The following PRMT3 variants were observed in gnomAD, a reference collection of about 807,000 sequenced individuals.
The protein encoded by PRMT3 is protein arginine N-methyltransferase 3.
In PRMT3, 62 loss-of-function variants were observed where a neutral mutation model predicts 71.9. The observed-to-expected ratio is 0.86, with a 90% CI of 0.70 to 1.07. The LOEUF is 1.07. Ranked by LOEUF, PRMT3 falls within the 50% of genes least tolerant of loss-of-function variation. The pLI, the probability that PRMT3 is intolerant of heterozygous loss-of-function variation, is 0.00. For missense variants in PRMT3, 663 were observed against 643.0 expected (o/e 1.03, Z -0.34); for synonymous variants, 213 against 220.4 (o/e 0.97, Z 0.30).
intron 13 of PRMT3, among the ~76,000 whole-genome samples, chr11:20,475,590 C>T (rs1324371870): frequency 6.6e-6 from 1 of 150,842 alleles, no homozygotes; most frequent in African/African-American, 2.4e-5. Flanking sequence ...TCTTAAAGTC[C>T]TTTATTTTGG....
At chr11:20,482,494 A>G (rs1211685364) in intron 13 of PRMT3, among the ~76,000 whole-genome samples, 1 of 152,086 alleles carries the variant, frequency 6.6e-6, no homozygotes, top group African/African-American at 2.4e-5. Flanking sequence ...TTTATCAAAT[A>G]ATCAATAAGA....
chr11:20,478,783 T>C (rs1438906584), intron 13 of PRMT3, among the ~76,000 whole-genome samples: 3 of 152,208 alleles, frequency 2.0e-5, no homozygotes, highest in Non-Finnish European at 4.4e-5. Flanking sequence ...ACTTCAAGAT[T>C]AGCCCATTTA....
intron 3 of PRMT3, 26 bp from the exon 4 acceptor site, chr11:20,392,185 G>C (rs1848729410): frequency 6.4e-7 from 1 of 1,565,610 alleles, no homozygotes; most frequent in Middle Eastern, 1.7e-4. Flanking sequence ...TGTTAACATA[G>C]GTGAATTATC....
chr11:20,498,298 C>G (rs1851378635), intron 15 of PRMT3, among the ~76,000 whole-genome samples: 1 of 152,110 alleles, frequency 6.6e-6, no homozygotes, highest in African/African-American at 2.4e-5. Context: ...CGAAGAAACT[C>G]AATTAACCCG....
intron 11 of PRMT3, among the ~76,000 whole-genome samples, chr11:20,459,005 T>C (rs951320765): frequency 7.8e-4 from 16 of 20,540 alleles, no homozygotes; most frequent in Non-Finnish European, 1.7e-3. Context: ...TAAAAGGCCA[T>C]ATAGTAAATT....
At chr11:20,438,992 G>A (rs1184484788) in intron 10 of PRMT3, among the ~76,000 whole-genome samples, 3 of 152,150 alleles carry the variant, frequency 2.0e-5, no homozygotes, top group African/African-American at 7.2e-5. Context: ...AACTCTGCCT[G>A]GGGAAGTTGG....
intron 11 of PRMT3, 71 bp downstream of exon 11, chr11:20,452,279 A>G: frequency 8.1e-7 from 1 of 1,233,772 alleles, no homozygotes; most frequent in Non-Finnish European, 1.2e-6. Flanking sequence ...TTGGATTTCA[A>G]ATAAACTATG....
chr11:20,392,395 G>A, intron 4 of PRMT3, 135 bp downstream of exon 4: 1 of 891,264 alleles, frequency 1.1e-6, no homozygotes, highest in Non-Finnish European at 1.6e-6. Context: ...GGGAATCACG[G>A]ACATTAGGAG....
intron 11 of PRMT3, among the ~76,000 whole-genome samples, chr11:20,461,038 A>T (rs1850371518): frequency 6.6e-6 from 1 of 152,062 alleles, no homozygotes. Flanking sequence ...CCTATGTAAA[A>T]TTTTTTACTG....
At position 20,471,045 on chromosome 11, in the gene PRMT3, CTGT is replaced by C. The variant is rs1850632585; in HGVS notation, c.1347+6504_1347+6506del. ...GCCACATGTAAAGAAGTGTTTGTTC[CTGT>C]TGTTTGCCCACTTTTTAATGGTTTT... is the stretch of plus-strand genomic sequence containing the variant. On this transcript the variant is annotated intron_variant, in intron 13 of 15. Transcript: ENST00000331079. Among the ~76,000 whole-genome samples the C allele has an allele frequency of 7.3e-5, 11 of 151,108 alleles. 1 individual carries two copies. In the Middle Eastern group the frequency reaches 0.027, roughly 374 times the overall value.
chr11:20,403,578 G>A (rs550202030), intron 8 of PRMT3, among the ~76,000 whole-genome samples: 1 of 151,662 alleles, frequency 6.6e-6, no homozygotes, highest in Non-Finnish European at 1.5e-5. Flanking sequence ...TGTGTTTTTT[G>A]GCTTTTCTTC....
intron 3 of PRMT3, 124 bp downstream of exon 3, chr11:20,389,950 A>C: frequency 1.5e-6 from 1 of 657,226 alleles, no homozygotes; most frequent in Non-Finnish European, 2.6e-6. Flanking sequence ...TCGGGAGTTC[A>C]AGACCAGCCT....
chr11:20,454,814 T>C (rs1850232315), intron 11 of PRMT3, among the ~76,000 whole-genome samples: 1 of 152,080 alleles, frequency 6.6e-6, no homozygotes, highest in Non-Finnish European at 1.5e-5. Context: ...GGACCACAAT[T>C]TATTTTTACA....
intron 15 of PRMT3, among the ~76,000 whole-genome samples, chr11:20,496,662 G>A (rs7935658): frequency 0.97 from 147,673 of 151,684 alleles, 72,188 homozygotes; most frequent in Middle Eastern, 1. Flanking sequence ...GACATATAAA[G>A]GAAAACTTTG....
At chr11:20,464,149 G>A (rs906600959) in intron 12 of PRMT3, among the ~76,000 whole-genome samples, 1 of 152,108 alleles carries the variant, frequency 6.6e-6, no homozygotes, top group South Asian at 2.1e-4. Flanking sequence ...TTATTTGAAA[G>A]TATTTATTTT....
chr11:20,479,200 T>C (rs1850869043), intron 13 of PRMT3, among the ~76,000 whole-genome samples: 1 of 152,204 alleles, frequency 6.6e-6, no homozygotes, highest in South Asian at 2.1e-4. Flanking sequence ...TCTACTCTGC[T>C]CTGAAACCTG....
chr11:20,442,351 T>A (rs891510807), intron 10 of PRMT3, among the ~76,000 whole-genome samples: 3 of 152,032 alleles, frequency 2.0e-5, no homozygotes, highest in African/African-American at 7.2e-5. Flanking sequence ...TTTAATTTTG[T>A]GTTTTAGTTA....
intron 9 of PRMT3, among the ~76,000 whole-genome samples, chr11:20,423,680 T>C (rs1212539440): frequency 2.6e-5 from 4 of 152,078 alleles, no homozygotes; most frequent in African/African-American, 9.7e-5. Flanking sequence ...TTGTTGATTT[T>C]TTTTCTCTGA....
intron 5 of PRMT3, among the ~76,000 whole-genome samples, chr11:20,394,470 T>C (rs1312970623): frequency 6.6e-6 from 1 of 152,084 alleles, no homozygotes; most frequent in Non-Finnish European, 1.5e-5. Flanking sequence ...TTTATTCAGG[T>C]ATAATTGATA....
Sources: allele counts gnomAD v4.1 joint callset (sites outside exome capture counted in the v4.1 genomes callset), GRCh38; gene constraint gnomAD v4.1.1; transcripts MANE v1.5; gene names NCBI Gene and HGNC (gene_info 2026-07-23, HGNC 2026-07-21).